The following SAXO1 variants were observed in gnomAD, a reference collection of about 807,000 sequenced individuals.
SAXO1 encodes 4930500O09Rik.
SAXO1 carries 21 observed loss-of-function variants against 17.5 expected under a neutral mutation model. The observed-to-expected ratio is 1.20, with a 90% CI of 0.85 to 1.72. The LOEUF (loss-of-function observed/expected upper bound fraction) is 1.72, where lower values mean the gene tolerates loss of function less well. SAXO1 is among the 40% of genes most tolerant of loss of function. The pLI is 0.00. For missense variants in SAXO1, 843 were observed against 596.0 expected (o/e 1.41, Z -4.32); for synonymous variants, 274 against 216.5 (o/e 1.27, Z -2.33).
At chr9:18,971,410 C>A (rs1272606131) in intron 1 of SAXO1, among the ~76,000 whole-genome samples, 1 of 151,554 alleles carries the variant, frequency 6.6e-6, no homozygotes, top group Non-Finnish European at 1.5e-5. Flanking sequence ...CTCTACGGAG[C>A]TTTTCAAAAT....
intron 1 of SAXO1, among the ~76,000 whole-genome samples, chr9:19,025,182 A>C (rs1835421899): frequency 6.6e-6 from 1 of 152,186 alleles, no homozygotes; most frequent in South Asian, 2.1e-4. Flanking sequence ...TCTTAACGTG[A>C]AAGTTTTTCT....
chr9:18,992,423 G>A (rs1010213230), intron 1 of SAXO1, among the ~76,000 whole-genome samples: 3 of 152,140 alleles, frequency 2.0e-5, no homozygotes, highest in Non-Finnish European at 4.4e-5. Flanking sequence ...TTTTAATAAG[G>A]ATGCTACTCA....
At chr9:18,958,877 G>C (rs1404301363) in intron 1 of SAXO1, among the ~76,000 whole-genome samples, 1 of 151,904 alleles carries the variant, frequency 6.6e-6, no homozygotes, top group Non-Finnish European at 1.5e-5. Context: ...GAAGAGGAAG[G>C]AATAAAAACA....
chr9:18,950,796 C>T lies in SAXO1; in HGVS notation c.180G>A (p.Gln60=). 6.2e-7 allele frequency: 1 copy of T among 1,613,688 alleles called. No homozygotes were observed. The part of the protein sequence containing the change: ...RESFKPRREY[Q]KGPIPMEGLT... Reference sequence around the variant, plus strand: ...GGCCTTCCATTGGTATAGGCCCTTTCTGGTACTCCCGCCTTGGCTTGAAGG... The same window carrying T: ...GGCCTTCCATTGGTATAGGCCCTTTTTGGTACTCCCGCCTTGGCTTGAAGG... Residue 60 remains glutamine, a synonymous_variant, in exon 2 of 4, where the codon CAG becomes CAA. Coordinates refer to ENST00000380534, the MANE Select transcript of SAXO1 (RefSeq NM_153707.4).
intron 1 of SAXO1, among the ~76,000 whole-genome samples, chr9:19,045,236 G>C (rs1279730731): frequency 6.8e-6 from 1 of 147,798 alleles, no homozygotes; most frequent in Non-Finnish European, 1.5e-5. Flanking sequence ...CGTGAACCTG[G>C]GAAGCGGAGC....
At chr9:19,046,102 A>AAAG (rs1836208823) in intron 1 of SAXO1, among the ~76,000 whole-genome samples, 1 of 151,292 alleles carries the variant, frequency 6.6e-6, no homozygotes, top group Non-Finnish European at 1.5e-5. Flanking sequence ...AAAAAAAAAA[A>AAAG]AGGAGAACAT....
intron 1 of SAXO1, among the ~76,000 whole-genome samples, chr9:18,959,241 A>T (rs988656356): frequency 6.6e-6 from 1 of 152,328 alleles, no homozygotes; most frequent in East Asian, 1.9e-4. Flanking sequence ...CAGTGGGTGG[A>T]AGAACTAAAA....
At chr9:18,944,633 G>A (rs1462276046) in intron 2 of SAXO1, among the ~76,000 whole-genome samples, 4 of 152,188 alleles carry the variant, frequency 2.6e-5, no homozygotes, top group South Asian at 4.1e-4. Flanking sequence ...GAGTAGGGAA[G>A]GCCAAGAGTT....
intron 2 of SAXO1, among the ~76,000 whole-genome samples, chr9:18,942,627 T>A (rs1182507043): frequency 6.6e-6 from 1 of 152,194 alleles, no homozygotes; most frequent in Non-Finnish European, 1.5e-5. Flanking sequence ...TGCGCCCCCA[T>A]TGTTTCAGGG....
intron 1 of SAXO1, 116 bp downstream of exon 1, chr9:19,032,755 C>G: frequency 9.0e-7 from 1 of 1,113,370 alleles, no homozygotes. Context: ...AAAAACGTAG[C>G]AAGTGGACGA....
chr9:18,974,567 T>G (rs181395497), intron 1 of SAXO1, among the ~76,000 whole-genome samples: 43 of 152,294 alleles, frequency 2.8e-4, no homozygotes, highest in African/African-American at 9.9e-4. Flanking sequence ...GAATGGATAA[T>G]GGACATATGT....
At chr9:19,009,912 C>T (rs978281005) in intron 1 of SAXO1, among the ~76,000 whole-genome samples, 2 of 151,874 alleles carry the variant, frequency 1.3e-5, no homozygotes, top group Non-Finnish European at 2.9e-5. Context: ...CTGCAACCTC[C>T]GCCTCCTGGA....
At chr9:18,955,572 C>T (rs917597520) in intron 1 of SAXO1, among the ~76,000 whole-genome samples, 4 of 152,204 alleles carry the variant, frequency 2.6e-5, no homozygotes, top group Non-Finnish European at 1.5e-5. Context: ...TTGATTAATA[C>T]AATATCCGTC....
At chr9:18,932,603 T>C (rs1016995443) in intron 3 of SAXO1, among the ~76,000 whole-genome samples, 2 of 152,220 alleles carry the variant, frequency 1.3e-5, no homozygotes, top group African/African-American at 2.4e-5. Flanking sequence ...AGGAATTGCA[T>C]TGAATCTACA....
At chr9:19,040,013 G>A (rs1231659007) in intron 1 of SAXO1, among the ~76,000 whole-genome samples, 1 of 152,188 alleles carries the variant, frequency 6.6e-6, no homozygotes, top group East Asian at 1.9e-4. Flanking sequence ...ACAGGTGTGA[G>A]CCACTGTACA....
At position 18,940,017 on chromosome 9, in the gene SAXO1, G is replaced by C. The variant is rs140502263; in HGVS notation, c.421+1620C>G. Among the ~76,000 whole-genome samples, 6 of 152,272 alleles carry C rather than the reference G, an allele frequency of 3.9e-5. No homozygotes were observed. The East Asian group carries it at 1.2e-3, about 29-fold the overall frequency. ...AACAGGATTAGGGCTTTGCTAGGAG[G>C]AAACAGCAAAAGGGCTGAAGAGAGA... On this transcript the variant is annotated intron_variant, in intron 3 of 3. Coordinates refer to ENST00000380534, the MANE Select transcript of SAXO1 (RefSeq NM_153707.4).
intron 1 of SAXO1, among the ~76,000 whole-genome samples, chr9:19,016,230 G>A (rs1451541782): frequency 2.6e-5 from 4 of 152,154 alleles, no homozygotes; most frequent in Admixed American, 2.6e-4. Context: ...GAGGTCGGGA[G>A]TTCGAGACCG....
chr9:18,939,691 C>A lies in SAXO1; in HGVS notation c.421+1946G>T, dbSNP rs555478981. Among the ~76,000 whole-genome samples, 25 of 152,230 alleles carry A rather than the reference C, an allele frequency of 1.6e-4. 1 individual carries two copies. The South Asian group carries it at 5.2e-3, about 32-fold the overall frequency. On this transcript the variant is annotated intron_variant, in intron 3 of 3. Coordinates refer to ENST00000380534, the MANE Select transcript of SAXO1 (RefSeq NM_153707.4). ...TGGAGCAGAGGGGCTTAGAAGACACCAGGACTTCCAAGGCATCAGAGGAGG... is the reference window on the plus strand; with the variant it reads ...TGGAGCAGAGGGGCTTAGAAGACACAAGGACTTCCAAGGCATCAGAGGAGG...
At chr9:19,002,071 C>A (rs536081775) in intron 1 of SAXO1, among the ~76,000 whole-genome samples, 1 of 152,258 alleles carries the variant, frequency 6.6e-6, no homozygotes, top group South Asian at 2.1e-4. Flanking sequence ...GATATCACCA[C>A]TGATCCCACA....
Sources: gnomAD v4.1 joint callset for allele counts (sites outside exome capture counted in the v4.1 genomes callset) on GRCh38, gnomAD v4.1.1 for gene constraint, MANE v1.5 for transcripts, NCBI Gene and HGNC (gene_info 2026-07-23, HGNC 2026-07-21) for gene names.